PLA2G12A: variants seen among roughly 807,000 people sequenced by gnomAD.
PLA2G12A encodes group XIIA secretory phospholipase A2.
A neutral mutation model predicts 16.0 loss-of-function variants in PLA2G12A; 11 were observed. The observed-to-expected ratio is 0.69, with a 90% CI of 0.43 to 1.13. The LOEUF is 1.13. PLA2G12A is among the 50% of genes most tolerant of loss of function. The pLI is 0.00. For missense variants in PLA2G12A, 214 were observed against 237.3 expected (o/e 0.90, Z 0.65); for synonymous variants, 77 against 93.8 (o/e 0.82, Z 1.03).
At position 109,729,924 on chromosome 4, in the gene PLA2G12A, C is replaced by A. The variant is rs1723021474; in HGVS notation, c.-115G>T. 2 of 824,422 alleles carry A rather than the reference C, an allele frequency of 2.4e-6. No individual in the cohort carries two copies. Among genetic ancestry groups the A allele is most frequent in the African/African-American group, 1.8e-5 (1 of 54,468 alleles). 51.1% of individuals were successfully genotyped at this position (824,422 alleles called of 1,614,324 possible). ...GCCCCGGACTTGGCAGCAGCCAGCT[C>A]CATATCCACGCCTCCTTCCCGGCTG... On this transcript the variant is annotated 5_prime_UTR_variant, in exon 1 of 4. The change creates a premature stop within an existing upstream ORF in the 5' untranslated region. Coordinates refer to ENST00000243501, the MANE Select transcript of PLA2G12A (RefSeq NM_030821.5).
chr4:109,728,850 TTC>T (rs1722988423), intron 1 of PLA2G12A, among the ~76,000 whole-genome samples: 1 of 152,190 alleles, frequency 6.6e-6, no homozygotes, highest in Non-Finnish European at 1.5e-5. Flanking sequence ...TCCAATATTT[TTC>T]TGACCTATTA....
At chr4:109,720,640 T>TATATATATAC (rs1730922348) in intron 1 of PLA2G12A, among the ~76,000 whole-genome samples, 1 of 108,852 alleles carries the variant, frequency 9.2e-6, no homozygotes, top group African/African-American at 3.6e-5. Flanking sequence ...TATATATATA[T>TATATATATAC]ATATGAATTT....
rs762316180 is a variant in PLA2G12A, at chr4:109,729,737, G to A, written c.73C>T (p.Gln25Ter). ...GCTCTCCAGTCGGTGGTCTGGGCCT[G>A]CTCCTGGCACCTGACAACAGCGGCC... ...LMAAVVRCQE[Q>*]AQTTDWRATL... Residue 25 changes from glutamine to a stop codon, truncating the protein, a stop_gained, in exon 1 of 4, where the codon CAG becomes TAG. Coordinates refer to ENST00000243501, the MANE Select transcript of PLA2G12A (RefSeq NM_030821.5). LOFTEE classifies it high-confidence loss of function. The A allele has an allele frequency of 6.3e-7, 1 of 1,597,332 alleles. No homozygotes were observed. The highest frequency in any genetic ancestry group is 8.5e-7 in the Non-Finnish European group (1 of 1,172,974).
At chr4:109,718,615 C>T in intron 2 of PLA2G12A, 68 bp downstream of exon 2, 1 of 1,190,600 alleles carries the variant, frequency 8.4e-7, no homozygotes, top group South Asian at 1.3e-5. Context: ...TGCTGATAGT[C>T]TTATATCACC....
intron 3 of PLA2G12A, 70 bp from the exon 4 acceptor site, chr4:109,714,565 A>C (rs1393410058): frequency 6.0e-6 from 6 of 994,098 alleles, no homozygotes; most frequent in South Asian, 3.9e-5. Flanking sequence ...TACACATTAC[A>C]GCACAGCAAC....
intron 1 of PLA2G12A, among the ~76,000 whole-genome samples, chr4:109,729,112 T>C (rs997864111): frequency 7.2e-5 from 11 of 152,336 alleles, no homozygotes; most frequent in Middle Eastern, 3.4e-3. Flanking sequence ...CAAAAGTCTG[T>C]ACAAAGGTCG....
intron 1 of PLA2G12A, among the ~76,000 whole-genome samples, chr4:109,725,855 G>C (rs935782977): frequency 2.0e-5 from 3 of 152,286 alleles, no homozygotes; most frequent in Admixed American, 1.3e-4. Flanking sequence ...GCAGAGTTTT[G>C]TAAGATTCCA....
In PLA2G12A at chr4:109,718,678, T is replaced by C. The variant is rs766794667; in HGVS notation, c.285+5A>G. 1 of 1,579,490 alleles carries C rather than the reference T, an allele frequency of 6.3e-7. No homozygotes were observed. The highest frequency in any genetic ancestry group is 8.7e-7 in the Non-Finnish European group (1 of 1,155,968). On this transcript the variant is annotated splice_donor_5th_base_variant and intron_variant, in intron 2 of 3. Coordinates refer to ENST00000243501, the MANE Select transcript of PLA2G12A (RefSeq NM_030821.5). ...AAAACTTATCAAATAAAAGACAATA[T>C]TTACATGAACACCAAACAGTGGAGA...
chr4:109,726,219 C>G (rs529188659), intron 1 of PLA2G12A, among the ~76,000 whole-genome samples: 1 of 152,294 alleles, frequency 6.6e-6, no homozygotes, highest in African/African-American at 2.4e-5. Flanking sequence ...ATAATTCTCT[C>G]CCTCGTCAGT....
At position 109,712,455 on chromosome 4, in the gene PLA2G12A, T is replaced by C. The variant is rs1037288716; in HGVS notation, c.*1922A>G. ...GCTGCTAACAAAATCCATGAATTCA[T>C]TGTAAGTGTAAAGTTACCTGGACAA... On this transcript the variant is annotated 3_prime_UTR_variant, in exon 4 of 4. Coordinates refer to ENST00000243501, the MANE Select transcript of PLA2G12A (RefSeq NM_030821.5). 2.6e-4 allele frequency: 40 copies of C among 152,198 alleles called. No individual in the cohort carries two copies. Among genetic ancestry groups the C allele is most frequent in the African/African-American group, 9.7e-4 (40 of 41,442 alleles). The allele number at this position is 152,198 out of a possible 1,614,324, so 9.4% of individuals were successfully genotyped here.
chr4:109,729,552 C>T (rs1205996858), intron 1 of PLA2G12A, 50 bp downstream of exon 1: 9 of 1,571,036 alleles, frequency 5.7e-6, no homozygotes, highest in Non-Finnish European at 7.8e-6. Flanking sequence ...TCTCCGTCAC[C>T]CCAATCCCCC....
At chr4:109,716,085 C>T (rs186264862) in intron 3 of PLA2G12A, among the ~76,000 whole-genome samples, 6 of 152,346 alleles carry the variant, frequency 3.9e-5, no homozygotes, top group Admixed American at 3.9e-4. Flanking sequence ...ATTGGTTTCA[C>T]ATTCTTCTTA....
chr4:109,729,859 T>G lies in PLA2G12A; in HGVS notation c.-50A>C. 6.7e-7 allele frequency: 1 copy of G among 1,501,836 alleles called. No homozygotes were observed. The highest frequency in any genetic ancestry group is 1.3e-5 in the South Asian group (1 of 79,630). The allele number at this position is 1,501,836 out of a possible 1,614,324, so 93.0% of individuals were successfully genotyped here. On this transcript the variant is annotated 5_prime_UTR_variant, in exon 1 of 4. Transcript: ENST00000243501. ...TCCCCGAGCCGCGGCGCGGGGCGCG[T>G]CCCCACAGAGTCCCCAGGACGCGCT...
chr4:109,721,532 G>A (rs575275695), intron 1 of PLA2G12A, among the ~76,000 whole-genome samples: 1 of 152,204 alleles, frequency 6.6e-6, no homozygotes, highest in South Asian at 2.1e-4. Flanking sequence ...AGGTTGGCCA[G>A]GCTCGTCTCA....
chr4:109,714,523 T>C, intron 3 of PLA2G12A, 28 bp from the exon 4 acceptor site: 3 of 1,439,968 alleles, frequency 2.1e-6, no homozygotes, highest in Non-Finnish European at 2.9e-6. Context: ...GGGATTACTG[T>C]TGGGCAACTG....
At chr4:109,727,476 T>A (rs17586561) in intron 1 of PLA2G12A, among the ~76,000 whole-genome samples, 50,776 of 151,970 alleles carry the variant, frequency 0.33, 9,743 homozygotes, top group Non-Finnish European at 0.44. Flanking sequence ...AAACCACATG[T>A]CCGTTAAACG....
chr4:109,721,026 G>A (rs1054081324), intron 1 of PLA2G12A, among the ~76,000 whole-genome samples: 18 of 151,968 alleles, frequency 1.2e-4, no homozygotes, highest in Non-Finnish European at 2.1e-4. Flanking sequence ...AGCCGAGATC[G>A]TGCCATTGCA....
chr4:109,716,076 T>C (rs577608236), intron 3 of PLA2G12A, among the ~76,000 whole-genome samples: 3 of 152,316 alleles, frequency 2.0e-5, no homozygotes, highest in Admixed American at 6.5e-5. Context: ...TACAAGATGA[T>C]TGGTTTCACA....
At position 109,712,364 on chromosome 4, in the gene PLA2G12A, G is replaced by A. The variant is rs1730749144; in HGVS notation, c.*2013C>T. On this transcript the variant is annotated 3_prime_UTR_variant, in exon 4 of 4. Transcript: ENST00000243501. ...TAAAAAACTGTTTCTACTGATTTTT[G>A]TATAATTTGTGATCACGAATTATAT... is the stretch of plus-strand genomic sequence containing the variant. The A allele has an allele frequency of 6.6e-6, 1 of 151,724 alleles. No homozygotes were observed. Among genetic ancestry groups the A allele is most frequent in the South Asian group, 2.1e-4 (1 of 4,794 alleles). 9.4% of individuals were successfully genotyped at this position (151,724 alleles called of 1,614,324 possible).
Sources: gnomAD v4.1 joint callset for allele counts (sites outside exome capture counted in the v4.1 genomes callset) on GRCh38, gnomAD v4.1.1 for gene constraint, MANE v1.5 for transcripts, NCBI Gene and HGNC (gene_info 2026-07-23, HGNC 2026-07-21) for gene names.